Variants in TAF4B observed in about 807,000 individuals in gnomAD.
The protein encoded by TAF4B is transcription initiation factor TFIID subunit 4B.
A neutral mutation model predicts 86.4 loss-of-function variants in TAF4B; 38 were observed. The ratio of observed to expected loss-of-function variants is 0.44; its 90% confidence interval spans 0.34 to 0.58. TAF4B has a LOEUF of 0.58. Ranked by LOEUF, TAF4B falls within the 20% of genes least tolerant of loss-of-function variation. The pLI, the probability that TAF4B is intolerant of heterozygous loss-of-function variation, is 0.02. For synonymous variants in TAF4B, 388 were observed against 391.2 expected, an observed-to-expected ratio of 0.99 and a Z score of 0.10; for missense variants, 988 against 1,027.6, an observed-to-expected ratio of 0.96 and a Z score of 0.53.
At chr18:26,354,194 C>A (rs2057267990) in intron 13 of TAF4B, among the ~76,000 whole-genome samples, 3 of 152,182 alleles carry the variant, frequency 2.0e-5, no homozygotes, top group African/African-American at 7.2e-5. Flanking sequence ...CCTGCCTCAG[C>A]CTCCCAAGTA....
At chr18:26,351,246 TAAGTA>T (rs2057243404) in intron 13 of TAF4B, among the ~76,000 whole-genome samples, 1 of 152,222 alleles carries the variant, frequency 6.6e-6, no homozygotes, top group South Asian at 2.1e-4. Flanking sequence ...GGACTTATGT[TAAGTA>T]AAGTATTCCA....
chr18:26,282,500 T>C (rs1313477009), intron 6 of TAF4B, among the ~76,000 whole-genome samples: 1 of 152,204 alleles, frequency 6.6e-6, no homozygotes, highest in Non-Finnish European at 1.5e-5. Context: ...AATTAAAAAA[T>C]ATTTTATTGC....
chr18:26,249,324 C>T (rs1176195694), intron 1 of TAF4B, among the ~76,000 whole-genome samples: 3 of 152,048 alleles, frequency 2.0e-5, no homozygotes, highest in Non-Finnish European at 4.4e-5. Context: ...ACTAAAAATA[C>T]ACAAAAATTA....
At chr18:26,326,651 T>G (rs1232085359) in intron 11 of TAF4B, among the ~76,000 whole-genome samples, 1 of 152,202 alleles carries the variant, frequency 6.6e-6, no homozygotes, top group Non-Finnish European at 1.5e-5. Context: ...CTGAGGTAGA[T>G]AATAATCTAA....
At chr18:26,378,916 T>C (rs1472144891) in intron 14 of TAF4B, among the ~76,000 whole-genome samples, 1 of 152,194 alleles carries the variant, frequency 6.6e-6, no homozygotes, top group Admixed American at 6.5e-5. Flanking sequence ...GTTGTGTAAA[T>C]ACTCCATAAT....
At chr18:26,328,988 G>A (rs548383823) in intron 12 of TAF4B, among the ~76,000 whole-genome samples, 1 of 151,602 alleles carries the variant, frequency 6.6e-6, no homozygotes, top group Admixed American at 6.6e-5. Flanking sequence ...CTCCCTTCTT[G>A]CCTTCCCCAC....
chr18:26,243,577 T>G (rs148783702), intron 1 of TAF4B, among the ~76,000 whole-genome samples: 2,952 of 152,316 alleles, frequency 0.019, 81 homozygotes, highest in African/African-American at 0.068. Context: ...TGAAGCCTTC[T>G]TCTCTCAACT....
chr18:26,321,362 CAA>C (rs770401313), intron 11 of TAF4B, among the ~76,000 whole-genome samples, 162 bp downstream of exon 11: 3 of 152,074 alleles, frequency 2.0e-5, no homozygotes, highest in Non-Finnish European at 4.4e-5. Context: ...GCTTACATGA[CAA>C]ATAAAATTAA....
At chr18:26,232,357 C>T (rs2055685447) in intron 1 of TAF4B, among the ~76,000 whole-genome samples, 1 of 152,108 alleles carries the variant, frequency 6.6e-6, no homozygotes, top group Non-Finnish European at 1.5e-5. Flanking sequence ...ATTCTCTAGG[C>T]CAGTCAAAGG....
chr18:26,241,226 G>T (rs1200417510), intron 1 of TAF4B, among the ~76,000 whole-genome samples: 1 of 152,104 alleles, frequency 6.6e-6, no homozygotes, highest in African/African-American at 2.4e-5. Flanking sequence ...GAGTATTTTT[G>T]GTTGGTAGGC....
At chr18:26,313,407 G>T (rs1055246953) in intron 9 of TAF4B, among the ~76,000 whole-genome samples, 1 of 152,004 alleles carries the variant, frequency 6.6e-6, no homozygotes, top group African/African-American at 2.4e-5. Flanking sequence ...TTTAAATCTG[G>T]ACACATTGAT....
At chr18:26,285,599 A>G (rs1182553939) in intron 6 of TAF4B, among the ~76,000 whole-genome samples, 1 of 152,202 alleles carries the variant, frequency 6.6e-6, no homozygotes, top group Non-Finnish European at 1.5e-5. Context: ...AGATGATTAT[A>G]GAAAAGTATA....
At chr18:26,386,878 G>A (rs969451229) in intron 14 of TAF4B, among the ~76,000 whole-genome samples, 1 of 152,084 alleles carries the variant, frequency 6.6e-6, no homozygotes, top group African/African-American at 2.4e-5. Context: ...ATATTTCTGG[G>A]TGTTTACATA....
At chr18:26,312,840 C>T (rs992857928) in intron 9 of TAF4B, among the ~76,000 whole-genome samples, 2 of 152,148 alleles carry the variant, frequency 1.3e-5, no homozygotes, top group African/African-American at 4.8e-5. Context: ...GGTTATATCT[C>T]TACACTTCAA....
At chr18:26,303,062 G>GTCATCCTCC (rs1486724071) in intron 9 of TAF4B, among the ~76,000 whole-genome samples, 1 of 79,656 alleles carries the variant, frequency 1.3e-5, no homozygotes, top group Non-Finnish European at 2.3e-5. Context: ...TTTCATACCC[G>GTCATCCTCC]CTCCACTTTC....
At chr18:26,339,820 T>C (rs189593043) in intron 13 of TAF4B, among the ~76,000 whole-genome samples, 1 of 152,384 alleles carries the variant, frequency 6.6e-6, no homozygotes, top group East Asian at 1.9e-4. Flanking sequence ...ACTTTGCAGT[T>C]GAAACATTCT....
chr18:26,368,091 C>T (rs2057383211), intron 14 of TAF4B, among the ~76,000 whole-genome samples: 2 of 152,058 alleles, frequency 1.3e-5, no homozygotes, highest in Non-Finnish European at 2.9e-5. Context: ...CTCTAAAATA[C>T]CCTATGTGAG....
chr18:26,254,599 T>C (rs2056054839), intron 1 of TAF4B, among the ~76,000 whole-genome samples: 2 of 152,266 alleles, frequency 1.3e-5, no homozygotes, highest in Admixed American at 6.5e-5. Flanking sequence ...GCATTAACCT[T>C]TGTTTTGTGC....
At chr18:26,292,973 A>G (rs963114068) in intron 8 of TAF4B, among the ~76,000 whole-genome samples, 1 of 152,216 alleles carries the variant, frequency 6.6e-6, no homozygotes. Context: ...AAAATTTGCT[A>G]TAGATTTTTT....
Sources: allele counts gnomAD v4.1 joint callset (sites outside exome capture counted in the v4.1 genomes callset), GRCh38; gene constraint gnomAD v4.1.1; transcripts MANE v1.5; gene names NCBI Gene and HGNC (gene_info 2026-07-23, HGNC 2026-07-21).